MAP4: variants seen among roughly 807,000 people sequenced by gnomAD.
MAP4 encodes the protein microtubule-associated protein 4.
In MAP4, 76 loss-of-function variants were observed where a neutral mutation model predicts 170.2. The observed-to-expected ratio is 0.45, with a 90% CI of 0.37 to 0.54. The LOEUF is 0.54. Among genes scored for constraint, MAP4 ranks in the 20% least tolerant of loss-of-function variants. MAP4 has a pLI of 0.00. For synonymous variants in MAP4, 909 were observed against 994.5 expected, an observed-to-expected ratio of 0.91 and a Z score of 1.62; for missense variants, 2,506 against 2,748.0, an observed-to-expected ratio of 0.91 and a Z score of 1.97.
At chr3:48,074,733 C>T (rs1390504842) in intron 1 of MAP4, among the ~76,000 whole-genome samples, 1 of 48,210 alleles carries the variant, frequency 2.1e-5, no homozygotes, top group African/African-American at 8.5e-5. Context: ...TGTGATATGT[C>T]GGCCAGACTG....
intron 1 of MAP4, among the ~76,000 whole-genome samples, chr3:48,060,243 G>C (rs1409748032): frequency 1.3e-5 from 2 of 151,960 alleles, no homozygotes; most frequent in South Asian, 4.1e-4. Context: ...CCACTATGAA[G>C]TTTATCACTC....
intron 5 of MAP4, among the ~76,000 whole-genome samples, chr3:47,919,371 G>C (rs1247414575): frequency 2.0e-5 from 3 of 151,874 alleles, no homozygotes; most frequent in African/African-American, 7.2e-5. Context: ...GCAATGGCAC[G>C]ATCTCGGCTC....
chr3:48,040,964 T>A (rs2100121357), intron 1 of MAP4, among the ~76,000 whole-genome samples: 1 of 152,242 alleles, frequency 6.6e-6, no homozygotes, highest in African/African-American at 2.4e-5. Flanking sequence ...CCTCCCAAAG[T>A]GCTGGGATTA....
At chr3:47,917,231 C>T in intron 6 of MAP4, 57 bp from the exon 7 acceptor site, 1 of 1,419,144 alleles carries the variant, frequency 7.0e-7, no homozygotes, top group Non-Finnish European at 9.7e-7. Context: ...ATTAAAAATG[C>T]TTACTTTCTT....
intron 3 of MAP4, among the ~76,000 whole-genome samples, chr3:47,969,537 G>A (rs2100077281): frequency 6.6e-6 from 1 of 152,150 alleles, no homozygotes; most frequent in Admixed American, 6.5e-5. Context: ...CTTATGTTAA[G>A]AGAATCTTGC....
chr3:48,060,172 C>T (rs1212025980), intron 1 of MAP4, among the ~76,000 whole-genome samples: 1 of 152,148 alleles, frequency 6.6e-6, no homozygotes, highest in Non-Finnish European at 1.5e-5. Context: ...AACTCAGTCA[C>T]TCATATGTCA....
At position 47,928,345 on chromosome 3, in the gene MAP4, G is replaced by A. The variant is rs1282994515; in HGVS notation, c.298C>T (p.Pro100Ser). 1 of 1,613,972 alleles carries A rather than the reference G, an allele frequency of 6.2e-7. No homozygotes were observed. Among genetic ancestry groups the A allele is most frequent in the Non-Finnish European group, 8.5e-7 (1 of 1,179,940 alleles). Residue 100 changes from proline to serine, a missense_variant, in exon 4 of 21, where the codon CCA becomes TCA. Pro to Ser is a moderately conservative substitution (Grantham distance 74, BLOSUM62 -1). Transcript: ENST00000683076. ...ATTTTCTCTTCAAGGAATTCAGTTG[G>A]AGACCCTTAAAATAGAGACACAAAA... ...GVEGSDTTGS[P>S]TEFLEEKMAY...
At chr3:47,974,084 T>C (rs2100080488) in intron 3 of MAP4, 5 of 985,302 alleles carry the variant, frequency 5.1e-6, no homozygotes, top group Non-Finnish European at 6.0e-6. Flanking sequence ...TTTCATGATA[T>C]TCTAATCTTA....
intron 1 of MAP4, among the ~76,000 whole-genome samples, chr3:48,080,237 TG>T (rs2100145949): frequency 1.3e-5 from 2 of 152,304 alleles, no homozygotes; most frequent in South Asian, 4.1e-4. Flanking sequence ...TCTGCAAACC[TG>T]GAATTGGTAG....
At chr3:48,061,847 GC>G (rs1402529363) in intron 1 of MAP4, among the ~76,000 whole-genome samples, 18 of 144,222 alleles carry the variant, frequency 1.2e-4, no homozygotes, top group African/African-American at 5.2e-5. Context: ...GTGGGGGGCA[GC>G]CCCCGCCCGG....
At chr3:48,062,138 T>C (rs573563662) in intron 1 of MAP4, among the ~76,000 whole-genome samples, 2,025 of 152,210 alleles carry the variant, frequency 0.013, 38 homozygotes, top group Non-Finnish European at 0.016. Context: ...GGAGACTCCA[T>C]TTTGTTCTGT....
chr3:47,889,105 C>G (rs546208524), intron 10 of MAP4, among the ~76,000 whole-genome samples: 1 of 152,142 alleles, frequency 6.6e-6, no homozygotes, highest in South Asian at 2.1e-4. Flanking sequence ...ACAAGGGAAG[C>G]AAAAAGAGAT....
At position 47,909,023 on chromosome 3, in the gene MAP4, A is replaced by G. The variant is rs572034919; in HGVS notation, c.5383+15T>C. 1 of 1,602,540 alleles carries G rather than the reference A, an allele frequency of 6.2e-7. No individual in the cohort carries two copies. ...AAGCCACAAGCACACACATTTCCCC[A>G]TGGCAGGTTCATACCAGCGGACTTC... On this transcript the variant is annotated intron_variant, in intron 9 of 20. Coordinates refer to ENST00000683076, the MANE Select transcript of MAP4 (RefSeq NM_001385682.1).
chr3:47,896,240 A>T (rs1343906135), intron 10 of MAP4, among the ~76,000 whole-genome samples: 1 of 152,216 alleles, frequency 6.6e-6, no homozygotes. Context: ...TAAAAAAACA[A>T]CCAAGAAGGC....
intron 1 of MAP4, among the ~76,000 whole-genome samples, chr3:48,075,205 G>A (rs148947337): frequency 9.1e-4 from 139 of 152,244 alleles, no homozygotes; most frequent in African/African-American, 3.2e-3. Context: ...GATGGTACTG[G>A]CATAGACGTA....
chr3:47,876,557 CAGG>C (rs10572804), intron 11 of MAP4, among the ~76,000 whole-genome samples: 14,566 of 152,084 alleles, frequency 0.096, 2,339 homozygotes, highest in African/African-American at 0.33. Flanking sequence ...AGAAAAGCAT[CAGG>C]AGGTGATTCA....
intron 1 of MAP4, among the ~76,000 whole-genome samples, chr3:48,033,513 T>C (rs1297585311): frequency 6.6e-6 from 1 of 152,176 alleles, no homozygotes; most frequent in Admixed American, 6.6e-5. Context: ...TTAATTGAAG[T>C]GAAGTTTACA....
In MAP4 at chr3:48,075,227, T is replaced by C. The variant is rs191168863; in HGVS notation, c.-20+13546A>G. ...CTGGCATAGACGTACACCAATGCAA[T>C]AGAATTGAAAGTCCAGGCCGGGCAC... On this transcript the variant is annotated intron_variant, in intron 1 of 18. Transcript: ENST00000360240. Among the ~76,000 whole-genome samples the C allele has an allele frequency of 2.4e-4, 36 of 152,108 alleles. No homozygotes were observed. The East Asian group carries it at 5.6e-3, about 24-fold the overall frequency.
intron 1 of MAP4, among the ~76,000 whole-genome samples, chr3:48,056,094 C>T (rs1308263516): frequency 2.3e-3 from 315 of 136,314 alleles, no homozygotes; most frequent in Non-Finnish European, 3.5e-3. Flanking sequence ...CCGGCAGCCA[C>T]CCCGTCCGGG....
Sources: allele counts gnomAD v4.1 joint callset (sites outside exome capture counted in the v4.1 genomes callset), GRCh38; gene constraint gnomAD v4.1.1; transcripts MANE v1.5; gene names NCBI Gene and HGNC (gene_info 2026-07-23, HGNC 2026-07-21).